The following DENND2C variants were observed in gnomAD, a reference collection of about 807,000 sequenced individuals.
DENND2C encodes the protein DENN domain containing 2C.
In DENND2C, 72 loss-of-function variants were observed where a neutral mutation model predicts 112.4. That is an observed-to-expected ratio of 0.64 (90% CI 0.53 to 0.78). DENND2C has a LOEUF of 0.78. Ranked by LOEUF, DENND2C falls within the 30% of genes least tolerant of loss-of-function variation. The probability of loss-of-function intolerance (pLI) is 0.00; values close to 1 mark genes in which losing one functional copy is unlikely to be tolerated. For synonymous variants in DENND2C, 329 were observed against 381.6 expected (o/e 0.86, Z 1.61); for missense variants, 992 against 1,113.8 (o/e 0.89, Z 1.56).
intron 3 of DENND2C, among the ~76,000 whole-genome samples, chr1:114,627,682 G>C (rs547377497): frequency 6.6e-6 from 1 of 152,070 alleles, no homozygotes; most frequent in East Asian, 1.9e-4. Context: ...CAAAACTGTT[G>C]CACAGAACTC....
At chr1:114,658,440 C>T (rs1238676703) in intron 1 of DENND2C, among the ~76,000 whole-genome samples, 1 of 152,050 alleles carries the variant, frequency 6.6e-6, no homozygotes, top group East Asian at 1.9e-4. Context: ...AGAAACGATC[C>T]TTGCATTTGG....
rs189820059 is a variant in DENND2C, at chr1:114,624,725, G to A, written c.806+454C>T. On this transcript the variant is annotated intron_variant, in intron 4 of 20. Coordinates refer to ENST00000393274, the MANE Select transcript of DENND2C (RefSeq NM_001256404.2). ...CAAGCTCAGCCTCCCAGGTTCAAGC[G>A]TTTCTTCTGCCTCAGCATCCCATAT... is the stretch of plus-strand genomic sequence containing the variant. 4.9e-4 allele frequency among the ~76,000 whole-genome samples: 74 copies of A among 151,006 alleles called. 5 individuals carry two copies. In the East Asian group the frequency reaches 7.2e-3, roughly 15 times the overall value.
At chr1:114,609,486 A>G (rs1655754786) in intron 9 of DENND2C, among the ~76,000 whole-genome samples, 1 of 152,268 alleles carries the variant, frequency 6.6e-6, no homozygotes, top group South Asian at 2.1e-4. Flanking sequence ...GGAAGAAGAC[A>G]TCCATTAGCT....
rs1654939874 is a variant in DENND2C at position 114,582,967 on chromosome 1, C to T, written c.*2633G>A. On this transcript the variant is annotated 3_prime_UTR_variant, in exon 21 of 21. Coordinates refer to ENST00000393274, the MANE Select transcript of DENND2C (RefSeq NM_001256404.2). ...ACACTTTACAGAAAACACAACAGACCTAAGGAAATGAAGCAGCTTCAGGCT... is the reference window on the plus strand; with the variant it reads ...ACACTTTACAGAAAACACAACAGACTTAAGGAAATGAAGCAGCTTCAGGCT... 6.6e-6 allele frequency: 1 copy of T among 152,112 alleles called. No individual in the cohort carries two copies. Among genetic ancestry groups the T allele is most frequent in the South Asian group, 2.1e-4 (1 of 4,830 alleles). 9.4% of individuals were successfully genotyped at this position (152,112 alleles called of 1,614,324 possible).
chr1:114,666,657 G>C (rs1434284566), intron 1 of DENND2C, among the ~76,000 whole-genome samples: 1 of 152,116 alleles, frequency 6.6e-6, no homozygotes, highest in Non-Finnish European at 1.5e-5. Flanking sequence ...GTTTCGCCAT[G>C]TTGACCAGGA....
intron 1 of DENND2C, among the ~76,000 whole-genome samples, chr1:114,658,287 TA>T (rs1306327961): frequency 6.6e-6 from 1 of 151,920 alleles, no homozygotes; most frequent in East Asian, 1.9e-4. Flanking sequence ...GGACCATAGA[TA>T]AGAAGAAAAA....
intron 3 of DENND2C, among the ~76,000 whole-genome samples, chr1:114,643,669 T>C (rs1356789269): frequency 6.6e-6 from 1 of 152,218 alleles, no homozygotes. Flanking sequence ...TAATATTGCT[T>C]ATAACACATA....
intron 1 of DENND2C, among the ~76,000 whole-genome samples, chr1:114,658,623 A>C (rs1193980469): frequency 6.6e-6 from 1 of 152,072 alleles, no homozygotes; most frequent in Non-Finnish European, 1.5e-5. Flanking sequence ...GAAACATTTT[A>C]AAGTTGGGGA....
intron 1 of DENND2C, among the ~76,000 whole-genome samples, chr1:114,664,355 G>A (rs759167113): frequency 5.3e-5 from 8 of 152,148 alleles, no homozygotes; most frequent in Non-Finnish European, 8.8e-5. Flanking sequence ...GCTCATGCCT[G>A]TAATCCTAAC....
intron 3 of DENND2C, among the ~76,000 whole-genome samples, chr1:114,639,585 A>G (rs77875762): frequency 1.4e-4 from 5 of 36,246 alleles, no homozygotes; most frequent in African/African-American, 5.7e-4. Flanking sequence ...TCCATCTTGA[A>G]AAAAAAAAAA....
chr1:114,590,390 CA>C (rs1201409186), intron 18 of DENND2C, among the ~76,000 whole-genome samples: 4 of 148,850 alleles, frequency 2.7e-5, no homozygotes, highest in Non-Finnish European at 4.5e-5. Flanking sequence ...AACCTTATCT[CA>C]AAAAAAAAAT....
chr1:114,592,469 C>T (rs1446208251), intron 18 of DENND2C, among the ~76,000 whole-genome samples: 4 of 152,104 alleles, frequency 2.6e-5, no homozygotes, highest in African/African-American at 9.7e-5. Context: ...TGTAATCCCA[C>T]GGCTTTGAGA....
At position 114,600,815 on chromosome 1, in the gene DENND2C, C is replaced by T. The variant is rs777681756; in HGVS notation, c.1956+5G>A. The T allele has an allele frequency of 1.2e-6, 2 of 1,609,280 alleles. No homozygotes were observed. The highest frequency in any genetic ancestry group is 2.2e-5 in the South Asian group (2 of 89,886). On this transcript the variant is annotated splice_donor_5th_base_variant and intron_variant, in intron 14 of 20. Coordinates refer to ENST00000393274, the MANE Select transcript of DENND2C (RefSeq NM_001256404.2). ...ATCAAATCTTTTCAAAATGAGCTAA[C>T]TTACCTCATCTCCAGCCCCAGGGAG...
intron 2 of DENND2C, among the ~76,000 whole-genome samples, chr1:114,652,614 C>G (rs563243020): frequency 6.7e-6 from 1 of 149,674 alleles, no homozygotes; most frequent in Non-Finnish European, 1.5e-5. Flanking sequence ...AAAATGGTGT[C>G]GAATTTGCAT....
chr1:114,594,581 TAAG>T lies in DENND2C; in HGVS notation c.2326-6_2326-4del. 1 of 1,607,198 alleles carries T rather than the reference TAAG, an allele frequency of 6.2e-7. No homozygotes were observed. The highest frequency in any genetic ancestry group is 8.5e-7 in the Non-Finnish European group (1 of 1,176,498). Reference sequence around the variant, plus strand: ...AGAATTTCATCCTCATCAGATACCTTAAGAAGAAAAAAAAATGGAGATTTTTCT... The same window carrying T: ...AGAATTTCATCCTCATCAGATACCTTAAGAAAAAAAAATGGAGATTTTTCT... On this transcript the variant is annotated splice_region_variant and splice_polypyrimidine_tract_variant and intron_variant, in intron 17 of 20. Transcript: ENST00000393274.
At chr1:114,595,744 C>T (rs1379403355) in intron 17 of DENND2C, 88 bp downstream of exon 17, 94 of 1,241,074 alleles carry the variant, frequency 7.6e-5, no homozygotes, top group Non-Finnish European at 6.2e-5. Flanking sequence ...GAGTCATATT[C>T]TCTAAGTACT....
At chr1:114,651,174 A>C (rs558675529) in intron 2 of DENND2C, among the ~76,000 whole-genome samples, 1 of 152,046 alleles carries the variant, frequency 6.6e-6, no homozygotes, top group East Asian at 1.9e-4. Flanking sequence ...ATGGTGGCTT[A>C]CACCTGTAAA....
Position 114,587,988 on chromosome 1 carries a change from C to A in DENND2C, c.2432-36G>T, listed in dbSNP as rs775792132. On this transcript the variant is annotated intron_variant, in intron 18 of 20. Transcript: ENST00000393274. ...ATGAAAAAGAAAAAAAGAAAAAAAT[C>A]TCCTCAGTTATCTGTATCTGGAAAC... 5.7e-6 allele frequency: 9 copies of A among 1,578,878 alleles called. No individual in the cohort carries two copies. In the African/African-American group the frequency reaches 9.5e-5, roughly 17 times the overall value.
chr1:114,657,795 G>T (rs527495555), intron 1 of DENND2C, among the ~76,000 whole-genome samples: 26 of 152,182 alleles, frequency 1.7e-4, no homozygotes, highest in Non-Finnish European at 3.4e-4. Context: ...TGAAGTCCAG[G>T]AAATCTTTCT....
Sources: gnomAD v4.1 joint callset for allele counts (sites outside exome capture counted in the v4.1 genomes callset) on GRCh38, gnomAD v4.1.1 for gene constraint, MANE v1.5 for transcripts, NCBI Gene and HGNC (gene_info 2026-07-23, HGNC 2026-07-21) for gene names.